The following PTBP1 variants were observed in gnomAD, a reference collection of about 807,000 sequenced individuals.
PTBP1 encodes the protein polypyrimidine tract-binding protein 1.
In PTBP1, 8 loss-of-function variants were observed where a neutral mutation model predicts 59.8. The ratio of observed to expected loss-of-function variants is 0.13; its 90% CI spans 0.08 to 0.24. The LOEUF is 0.24. Ranked by LOEUF, PTBP1 falls within the 10% of genes least tolerant of loss-of-function variation. The pLI is 1.00. For missense variants in PTBP1, 686 were observed against 767.0 expected (o/e 0.89, Z 1.25); for synonymous variants, 490 against 320.7 (o/e 1.53, Z -5.64).
intron 2 of PTBP1, among the ~76,000 whole-genome samples, chr19:801,068 A>ACG (rs2034310887): frequency 6.9e-6 from 1 of 144,280 alleles, no homozygotes; most frequent in South Asian, 2.2e-4. Flanking sequence ...ACACCTGGCT[A>ACG]CGCTGTCCTT....
At position 808,246 on chromosome 19, in the gene PTBP1, G is replaced by A. The variant is rs1480727931; in HGVS notation, c.1154-114G>A. ...ACGCAGCTCCGCAGTGGCCGATAAA[G>A]CAAACCCGGCCGGGCTGAGCCGGGC... is the stretch of plus-strand genomic sequence containing the variant. On this transcript the variant is annotated intron_variant, in intron 11 of 14. Coordinates refer to ENST00000356948, the MANE Select transcript of PTBP1 (RefSeq NM_002819.5). The surrounding 1 kb of genome is among the most constrained non-coding windows in gnomAD (Gnocchi z 4.7). The A allele has an allele frequency of 1.1e-5, 10 of 916,734 alleles. No homozygotes were observed. The highest frequency in any genetic ancestry group is 1.7e-5 in the Non-Finnish European group (10 of 586,232). The allele number at this position is 916,734 out of a possible 1,614,324, so 56.8% of individuals were successfully genotyped here. A position where few individuals can be genotyped will look rare whatever the true frequency, so the allele number is the denominator to read the frequency against.
intron 2 of PTBP1, among the ~76,000 whole-genome samples, chr19:801,846 G>A (rs2034350088): frequency 6.6e-6 from 1 of 152,118 alleles, no homozygotes; most frequent in Non-Finnish European, 1.5e-5. Flanking sequence ...CTGGGCCTGC[G>A]CAGCCCCGCC....
intron 6 of PTBP1, 27 bp downstream of exon 6, chr19:804,729 C>G (rs1320510476): frequency 1.9e-6 from 3 of 1,609,706 alleles, no homozygotes; most frequent in Non-Finnish European, 2.5e-6. Flanking sequence ...ACCGCCAGGG[C>G]AGGTCGGCTG....
intron 9 of PTBP1, chr19:805,814 G>C: frequency 3.7e-6 from 2 of 542,138 alleles, no homozygotes; most frequent in South Asian, 2.1e-5. Context: ...CAGTCTTTGT[G>C]GTCTGGTTCC....
Position 808,474 on chromosome 19 carries a change from G to GGGGT in PTBP1, c.1246+25_1246+28dup, listed in dbSNP as rs774510585. The GGGGT allele has an allele frequency of 2.2e-5, 35 of 1,573,036 alleles. 1 individual carries two copies. Among genetic ancestry groups the GGGGT allele is most frequent in the Middle Eastern group, 2.3e-4 (1 of 4,434 alleles). On this transcript the variant is annotated intron_variant, in intron 12 of 14. Coordinates refer to ENST00000356948, the MANE Select transcript of PTBP1 (RefSeq NM_002819.5). This position sits in a 1 kb window ranked among gnomAD's most constrained non-coding sequence, Gnocchi z 4.7. ...CTGGGTAAGAGGCCGGGGCGGCCCC[G>GGGGT]GGGTGGAGGGGGCAGGGGCGGGGGC...
At chr19:810,130 A>G (rs531931050) in intron 13 of PTBP1, among the ~76,000 whole-genome samples, 146 of 152,272 alleles carry the variant, frequency 9.6e-4, no homozygotes, top group African/African-American at 3.4e-3. Context: ...AACCTGGTGA[A>G]ACCCCGTCTC....
chr19:797,458 G>A lies in PTBP1; in HGVS notation c.-40G>A, dbSNP rs1420770156. The A allele has an allele frequency of 6.3e-7, 1 of 1,599,654 alleles. No homozygotes were observed. Reference sequence around the variant, plus strand: ...CGTTGGGTCGGTTCCTGCTATTCCGGCGCCTCCACTCCGTCCCCCGCGGGT... The same window carrying A: ...CGTTGGGTCGGTTCCTGCTATTCCGACGCCTCCACTCCGTCCCCCGCGGGT... On this transcript the variant is annotated 5_prime_UTR_variant, in exon 1 of 15. Coordinates refer to ENST00000356948, the MANE Select transcript of PTBP1 (RefSeq NM_002819.5).
chr19:804,657 C>T lies in PTBP1; in HGVS notation c.561C>T (p.Ile187=), dbSNP rs554765504. 65 of 1,613,002 alleles carry T rather than the reference C, an allele frequency of 4.0e-5. No homozygotes were observed. The Admixed American group carries it at 4.2e-4, about 10-fold the overall frequency. Reference sequence around the variant, plus strand: ...GGCAGAGCCCCGTGCTCAGGATCATCGTGGAGAACCTCTTCTACCCTGTGA... The same window carrying T: ...GGCAGAGCCCCGTGCTCAGGATCATTGTGGAGAACCTCTTCTACCCTGTGA... ...MAGQSPVLRI[I]VENLFYPVTL... is the part of the protein sequence containing the mutation. Residue 187 remains isoleucine, a synonymous_variant, in exon 6 of 15, where the codon ATC becomes ATT. Coordinates refer to ENST00000356948, the MANE Select transcript of PTBP1 (RefSeq NM_002819.5).
At chr19:805,264 G>A (rs2034511140) in intron 8 of PTBP1, 77 bp downstream of exon 8, 12 of 1,527,524 alleles carry the variant, frequency 7.9e-6, no homozygotes, top group East Asian at 4.5e-5. Flanking sequence ...CCGGCGGCAC[G>A]GGCCCGGCCC....
At chr19:805,757 G>A (rs1414166236) in intron 9 of PTBP1, 188 bp downstream of exon 9, 112 of 610,200 alleles carry the variant, frequency 1.8e-4, no homozygotes, top group East Asian at 2.8e-5. Context: ...GGACAGGGCT[G>A]TGGAGGCCCA....
At position 811,493 on chromosome 19, in the gene PTBP1, T is replaced by C. The variant is rs1379337756; in HGVS notation, c.*667T>C. 1 of 152,514 alleles carries C rather than the reference T, an allele frequency of 6.6e-6. No homozygotes were observed. The highest frequency in any genetic ancestry group is 1.5e-5 in the Non-Finnish European group (1 of 68,054). 9.4% of individuals were successfully genotyped at this position (152,514 alleles called of 1,614,324 possible). On this transcript the variant is annotated 3_prime_UTR_variant, in exon 15 of 15. Transcript: ENST00000356948. Reference sequence around the variant, plus strand: ...AGCAATATTTCCAGTTGACCAAATATTCTAATCTTTTTTCATTTATATGCA... The same window carrying C: ...AGCAATATTTCCAGTTGACCAAATACTCTAATCTTTTTTCATTTATATGCA...
intron 10 of PTBP1, chr19:807,610 C>G: frequency 2.3e-6 from 1 of 438,564 alleles, no homozygotes. Context: ...TGCCAACTGA[C>G]TGCACGGTAC....
chr19:808,233 A>C lies in PTBP1; in HGVS notation c.1154-127A>C. ...CTGTGGCTGCGAGACGCAGCTCCGC[A>C]GTGGCCGATAAAGCAAACCCGGCCG... On this transcript the variant is annotated intron_variant, in intron 11 of 14. Coordinates refer to ENST00000356948, the MANE Select transcript of PTBP1 (RefSeq NM_002819.5). The surrounding 1 kb of genome is among the most constrained non-coding windows in gnomAD (Gnocchi z 4.7). 1.3e-6 allele frequency: 1 copy of C among 775,782 alleles called. No individual in the cohort carries two copies. The highest frequency in any genetic ancestry group is 2.3e-5 in the Admixed American group (1 of 43,698). 48.1% of individuals were successfully genotyped at this position (775,782 alleles called of 1,614,324 possible).
At chr19:803,519 C>A in intron 2 of PTBP1, 42 bp from the exon 3 acceptor site, 3 of 1,567,504 alleles carry the variant, frequency 1.9e-6, no homozygotes, top group Non-Finnish European at 2.6e-6. Context: ...GAGGCTCTGG[C>A]CTGGTGGGAA....
At position 805,339 on chromosome 19, in the gene PTBP1, C is replaced by T. The variant is rs1599231585; in HGVS notation, c.892+152C>T. ...GCACAGCACGGTCCAGTGTCCCCCA[C>T]GTCGGGACCACGGCCCCCCCTGGAG... is the stretch of plus-strand genomic sequence containing the variant. On this transcript the variant is annotated intron_variant, in intron 8 of 14. Transcript: ENST00000356948. The T allele has an allele frequency of 7.6e-6, 9 of 1,191,288 alleles. No homozygotes were observed. In the East Asian group the frequency reaches 9.4e-5, roughly 12 times the overall value. The allele number at this position is 1,191,288 out of a possible 1,614,324, so 73.8% of individuals were successfully genotyped here.
intron 10 of PTBP1, 135 bp downstream of exon 10, chr19:806,691 A>T (rs1416380284): frequency 2.6e-6 from 2 of 778,790 alleles, no homozygotes; most frequent in Non-Finnish European, 3.8e-6. Context: ...CCTCTGCTGC[A>T]GCGCTGAGAC....
chr19:804,220 G>A lies in PTBP1; in HGVS notation c.288+12G>A, dbSNP rs778992852. 57 of 1,606,302 alleles carry A rather than the reference G, an allele frequency of 3.5e-5. No homozygotes were observed. The highest frequency in any genetic ancestry group is 4.2e-5 in the Non-Finnish European group (49 of 1,174,860). On this transcript the variant is annotated intron_variant, in intron 4 of 14. Coordinates refer to ENST00000356948, the MANE Select transcript of PTBP1 (RefSeq NM_002819.5). Reference sequence around the variant, plus strand: ...AGGGGAAAAACCAGGTACCTGAGCCGCGTTTCTCCGGGGTGCTCACACCGT... The same window carrying A: ...AGGGGAAAAACCAGGTACCTGAGCCACGTTTCTCCGGGGTGCTCACACCGT...
Position 808,073 on chromosome 19 carries a change from C to A in PTBP1, c.1153+171C>A, listed in dbSNP as rs1214402181. 4.4e-6 allele frequency: 3 copies of A among 687,880 alleles called. No individual in the cohort carries two copies. Among genetic ancestry groups the A allele is most frequent in the Non-Finnish European group, 7.8e-6 (3 of 386,506 alleles). The allele number at this position is 687,880 out of a possible 1,614,324, so 42.6% of individuals were successfully genotyped here. ...TTTTATTTGGTCCCGTAGATACGTA[C>A]GCATGGTTTATCGCCCTGCATGCTT... On this transcript the variant is annotated intron_variant, in intron 11 of 14. Coordinates refer to ENST00000356948, the MANE Select transcript of PTBP1 (RefSeq NM_002819.5). This position sits in a 1 kb window ranked among gnomAD's most constrained non-coding sequence, Gnocchi z 4.7.
At chr19:806,281 G>A in intron 9 of PTBP1, 127 bp from the exon 10 acceptor site, 1 of 1,129,840 alleles carries the variant, frequency 8.9e-7, no homozygotes, top group Non-Finnish European at 1.2e-6. Flanking sequence ...CCCAGGGTAG[G>A]GCCAGAGCCA....
Sources: gnomAD v4.1 joint callset for allele counts (sites outside exome capture counted in the v4.1 genomes callset) on GRCh38, gnomAD v4.1.1 for gene constraint, Gnocchi (gnomAD v3.1) non-coding constraint, MANE v1.5 for transcripts, NCBI Gene and HGNC (gene_info 2026-07-23, HGNC 2026-07-21) for gene names.